Variants in ATP8B1 observed in about 807,000 individuals in gnomAD.
The protein encoded by ATP8B1 is ATPase phospholipid transporting 8B1.
A neutral mutation model predicts 149.9 loss-of-function variants in ATP8B1; 80 were observed. That is an observed-to-expected ratio of 0.53 (90% CI 0.45 to 0.64). The LOEUF (loss-of-function observed/expected upper bound fraction) is 0.64, where lower values mean the gene tolerates loss of function less well. Among genes scored for constraint, ATP8B1 ranks in the 30% least tolerant of loss-of-function variants. The pLI, the probability that ATP8B1 is intolerant of heterozygous loss-of-function variation, is 0.00. For synonymous variants in ATP8B1, 536 were observed against 562.8 expected, an observed-to-expected ratio of 0.95 and a Z score of 0.67; for missense variants, 1,247 against 1,552.6, an observed-to-expected ratio of 0.80 and a Z score of 3.31.
At chr18:57,786,577 T>G (rs777340452) in intron 1 of ATP8B1, among the ~76,000 whole-genome samples, 1 of 152,134 alleles carries the variant, frequency 6.6e-6, no homozygotes, top group African/African-American at 2.4e-5. Context: ...ATATAAAAGC[T>G]AGCTACCATC....
In ATP8B1 at chr18:57,706,715, G is replaced by A. The variant is rs368822853; in HGVS notation, c.182-128C>T. 6.1e-5 allele frequency: 47 copies of A among 772,728 alleles called. No homozygotes were observed. In the East Asian group the frequency reaches 1.1e-3, roughly 19 times the overall value. The allele number at this position is 772,728 out of a possible 1,614,324, so 47.9% of individuals were successfully genotyped here. A position where few individuals can be genotyped will look rare whatever the true frequency, so the allele number is the denominator to read the frequency against. Reference sequence around the variant, plus strand: ...ATCCCTCAGAATGTGACCTTATTTGGAAACTGCTCATTGCAGATGTAATCA... The same window carrying A: ...ATCCCTCAGAATGTGACCTTATTTGAAAACTGCTCATTGCAGATGTAATCA... On this transcript the variant is annotated intron_variant, in intron 2 of 27. Coordinates refer to ENST00000648908, the MANE Select transcript of ATP8B1 (RefSeq NM_001374385.1).
At chr18:57,711,699 T>G (rs1018905380) in intron 2 of ATP8B1, among the ~76,000 whole-genome samples, 7 of 152,112 alleles carry the variant, frequency 4.6e-5, no homozygotes, top group African/African-American at 9.7e-5. Context: ...GCTCAAGTGA[T>G]CCTCCCACCT....
chr18:57,686,622 T>C (rs907968821), intron 13 of ATP8B1, among the ~76,000 whole-genome samples: 1 of 152,186 alleles, frequency 6.6e-6, no homozygotes, highest in Non-Finnish European at 1.5e-5. Flanking sequence ...GGTTTCATCA[T>C]ATTGGCCAGG....
At chr18:57,756,192 C>G (rs55731035) in intron 1 of ATP8B1, among the ~76,000 whole-genome samples, 1 of 84,756 alleles carries the variant, frequency 1.2e-5, no homozygotes, top group Non-Finnish European at 2.6e-5. Context: ...ATTTCCACAA[C>G]ATATATATAT....
intron 1 of ATP8B1, among the ~76,000 whole-genome samples, chr18:57,777,594 G>T (rs141313602): frequency 2.9e-3 from 443 of 152,142 alleles, no homozygotes; most frequent in African/African-American, 0.01. Flanking sequence ...TTTGAGACAG[G>T]GTCTCACTCT....
intron 1 of ATP8B1, among the ~76,000 whole-genome samples, chr18:57,746,704 G>A (rs2079967293): frequency 6.6e-6 from 1 of 152,010 alleles, no homozygotes; most frequent in African/African-American, 2.4e-5. Context: ...TCAAACTCCT[G>A]ACCTCAAGTG....
At chr18:57,786,519 C>A (rs1470870249) in intron 1 of ATP8B1, among the ~76,000 whole-genome samples, 2 of 152,196 alleles carry the variant, frequency 1.3e-5, no homozygotes, top group Non-Finnish European at 2.9e-5. Context: ...AGGGACCATA[C>A]TTTGAAAACC....
chr18:57,767,956 C>T (rs1487459986), intron 1 of ATP8B1, among the ~76,000 whole-genome samples: 1 of 152,128 alleles, frequency 6.6e-6, no homozygotes, highest in African/African-American at 2.4e-5. Context: ...CATGAAAACA[C>T]ACACACATAC....
rs752623211 is a variant in ATP8B1, at chr18:57,655,356, G to A, written c.2769C>T (p.Asp923=). Reference sequence around the variant, plus strand: ...GATATCGGAACTGAGCAAAGGAATAGTCACTCGACATGACAGCTTGCATTC... The same window carrying A: ...GATATCGGAACTGAGCAAAGGAATAATCACTCGACATGACAGCTTGCATTC... The part of the protein sequence containing the change: ...QEGMQAVMSS[D]YSFAQFRYLQ... Residue 923 remains aspartate, a synonymous_variant, in exon 23 of 28, where the codon GAC becomes GAT. Transcript: ENST00000648908. 1 of 1,614,200 alleles carries A rather than the reference G, an allele frequency of 6.2e-7. No individual in the cohort carries two copies. Among genetic ancestry groups the A allele is most frequent in the Non-Finnish European group, 8.5e-7 (1 of 1,180,032 alleles).
At chr18:57,713,249 TTCTTTCTTTCTTTC>T (rs1348135876) in intron 2 of ATP8B1, among the ~76,000 whole-genome samples, 7 of 134,144 alleles carry the variant, frequency 5.2e-5, no homozygotes, top group African/African-American at 2.0e-4. Context: ...CCTTCTTTCT[TTCTTTCTTTCTTTC>T]TCTTTCTTTC....
intron 4 of ATP8B1, among the ~76,000 whole-genome samples, chr18:57,703,041 C>A (rs1913208697): frequency 6.6e-6 from 1 of 152,258 alleles, no homozygotes; most frequent in South Asian, 2.1e-4. Context: ...TCTACACACA[C>A]CTTTCTAAGC....
At position 57,647,604 on chromosome 18, in the gene ATP8B1, CTG is replaced by C. The variant is rs1379215220; in HGVS notation, c.*882_*883del. Reference sequence around the variant, plus strand: ...GAAGATCACCGAAAGGAAAATGTAACTGTAATTTTATAATACAATACCATTTG... The same window carrying C: ...GAAGATCACCGAAAGGAAAATGTAACTAATTTTATAATACAATACCATTTG... On this transcript the variant is annotated 3_prime_UTR_variant, in exon 28 of 28. Coordinates refer to ENST00000648908, the MANE Select transcript of ATP8B1 (RefSeq NM_001374385.1). 2.6e-5 allele frequency: 4 copies of C among 152,562 alleles called. No homozygotes were observed. Among genetic ancestry groups the C allele is most frequent in the Admixed American group, 2.0e-4 (3 of 15,258 alleles). 9.5% of individuals were successfully genotyped at this position (152,562 alleles called of 1,614,324 possible).
At chr18:57,744,446 AC>A (rs1260813214) in intron 1 of ATP8B1, among the ~76,000 whole-genome samples, 6 of 151,972 alleles carry the variant, frequency 3.9e-5, no homozygotes, top group African/African-American at 1.5e-4. Flanking sequence ...TAAATAAAAG[AC>A]TGGGGCTGGT....
In ATP8B1 at chr18:57,752,460, G is replaced by A. The variant is rs1355155718; in HGVS notation, c.-25-20628C>T. On this transcript the variant is annotated intron_variant, in intron 1 of 27. Coordinates refer to ENST00000648908, the MANE Select transcript of ATP8B1 (RefSeq NM_001374385.1). Reference sequence around the variant, plus strand: ...ATGAAGATAATGGTTACCTTACAGGGTCCTTGTGAAGCTTAATCTTGATCC... The same window carrying A: ...ATGAAGATAATGGTTACCTTACAGGATCCTTGTGAAGCTTAATCTTGATCC... Among the ~76,000 whole-genome samples, 3 of 151,994 alleles carry A rather than the reference G, an allele frequency of 2.0e-5. No homozygotes were observed. The East Asian group carries it at 5.8e-4, about 29-fold the overall frequency.
intron 12 of ATP8B1, among the ~76,000 whole-genome samples, chr18:57,689,990 T>A (rs1912451153): frequency 6.6e-6 from 1 of 152,174 alleles, no homozygotes; most frequent in Admixed American, 6.5e-5. Flanking sequence ...CACTCCAGCC[T>A]GGGAAACAGA....
chr18:57,680,801 T>G (rs1026721066), intron 15 of ATP8B1, among the ~76,000 whole-genome samples: 44 of 152,096 alleles, frequency 2.9e-4, no homozygotes, highest in African/African-American at 9.7e-4. Flanking sequence ...AGTGCCTACC[T>G]GCTCCAGACT....
intron 1 of ATP8B1, among the ~76,000 whole-genome samples, chr18:57,734,609 A>T (rs775631039): frequency 2.0e-5 from 3 of 152,104 alleles, no homozygotes; most frequent in Non-Finnish European, 4.4e-5. Context: ...GCTGGCATTC[A>T]TTATTACAAA....
At chr18:57,757,037 T>C (rs1599200251) in intron 1 of ATP8B1, among the ~76,000 whole-genome samples, 1 of 152,176 alleles carries the variant, frequency 6.6e-6, no homozygotes, top group African/African-American at 2.4e-5. Context: ...GAAAGGATGA[T>C]TTCACAGCAC....
intron 2 of ATP8B1, among the ~76,000 whole-genome samples, chr18:57,724,210 A>T (rs1344930218): frequency 6.8e-6 from 1 of 147,572 alleles, no homozygotes; most frequent in Non-Finnish European, 1.5e-5. Flanking sequence ...CATGTCCAAA[A>T]CACCAAAAGC....
Sources: allele counts gnomAD v4.1 joint callset (sites outside exome capture counted in the v4.1 genomes callset), GRCh38; gene constraint gnomAD v4.1.1; transcripts MANE v1.5; gene names NCBI Gene and HGNC (gene_info 2026-07-23, HGNC 2026-07-21).